THRA: variants seen among roughly 807,000 people sequenced by gnomAD.
THRA encodes the protein EAR-7.
Under a neutral mutation model 45.0 loss-of-function variants are expected in THRA, and 13 were observed. The ratio of observed to expected loss-of-function variants is 0.29; its 90% CI spans 0.19 to 0.46. THRA has a LOEUF of 0.46. Among genes scored for constraint, THRA ranks in the 20% least tolerant of loss-of-function variants. The pLI is 1.00. For missense variants in THRA, 278 were observed against 556.1 expected (o/e 0.50, Z 5.03); for synonymous variants, 195 against 214.0 (o/e 0.91, Z 0.78).
At chr17:40,080,548 T>A (rs1239619106) in intron 4 of THRA, among the ~76,000 whole-genome samples, 1 of 151,874 alleles carries the variant, frequency 6.6e-6, no homozygotes, top group Non-Finnish European at 1.5e-5. Flanking sequence ...CTGGAAGCAA[T>A]ACAAACAGTG....
Position 40,091,015 on chromosome 17 carries a change from G to A in THRA, c.*1559G>A, listed in dbSNP as rs1004157188. On this transcript the variant is annotated 3_prime_UTR_variant, in exon 9 of 9. Coordinates refer to ENST00000450525, the MANE Select transcript of THRA (RefSeq NM_199334.5). ...TCCTCCCATGGGAGCAGGAGGTGGG[G>A]TGGGACAGAGCAGACCAGAGGGTGC... 1 of 152,264 alleles carries A rather than the reference G, an allele frequency of 6.6e-6. No individual in the cohort carries two copies. The highest frequency in any genetic ancestry group is 2.4e-5 in the African/African-American group (1 of 41,328). The allele number at this position is 152,264 out of a possible 1,614,324, so 9.4% of individuals were successfully genotyped here.
At chr17:40,082,191 GTTTTACTTGGATTTCCTTTTTTTT>G (rs1371856095) in intron 4 of THRA, among the ~76,000 whole-genome samples, 268 of 139,620 alleles carry the variant, frequency 1.9e-3, no homozygotes, top group African/African-American at 6.6e-3. Flanking sequence ...GGAAAATGAG[GTTTTACTTGGATTTCCTTTTTTTT>G]TTTTTTTTTT....
At position 40,084,000 on chromosome 17, in the gene THRA, A is replaced by C. The variant is rs780567423; in HGVS notation, c.370+18A>C. On this transcript the variant is annotated intron_variant, in intron 5 of 8. Transcript: ENST00000450525. ...CATGGACTGTAAGGGGCCCAGGTGG[A>C]GGGAATAGAGCCAGGTGGCCTGGGG... 1 of 1,601,908 alleles carries C rather than the reference A, an allele frequency of 6.2e-7. No homozygotes were observed. Among genetic ancestry groups the C allele is most frequent in the Admixed American group, 1.7e-5 (1 of 58,362 alleles).
intron 1 of THRA, among the ~76,000 whole-genome samples, chr17:40,067,626 C>T (rs2145042451): frequency 6.6e-6 from 1 of 152,304 alleles, no homozygotes; most frequent in Non-Finnish European, 1.5e-5. Context: ...CCTCTCCAAA[C>T]CCCTTTTATT....
chr17:40,071,147 C>A (rs545912021), intron 1 of THRA, among the ~76,000 whole-genome samples: 4 of 152,182 alleles, frequency 2.6e-5, no homozygotes, highest in South Asian at 4.1e-4. Context: ...CCCGCATGTA[C>A]GTGTCCCTGT....
chr17:40,070,147 G>C (rs1986723421), intron 1 of THRA, among the ~76,000 whole-genome samples: 1 of 151,942 alleles, frequency 6.6e-6, no homozygotes, highest in African/African-American at 2.4e-5. Flanking sequence ...CTGCCCCCCA[G>C]CTCCAGAACC....
intron 2 of THRA, 114 bp downstream of exon 2, chr17:40,074,655 C>A: frequency 8.8e-7 from 1 of 1,130,566 alleles, no homozygotes; most frequent in Non-Finnish European, 1.3e-6. Context: ...GACGTGAGGC[C>A]AGCAAGCCTT....
chr17:40,086,688 C>G lies in THRA; in HGVS notation c.577-19C>G. On this transcript the variant is annotated intron_variant, in intron 6 of 8. Coordinates refer to ENST00000450525, the MANE Select transcript of THRA (RefSeq NM_199334.5). ...GAAAGGGGTCTGCGGCCCCAGCTGA[C>G]CCCCGTCTTTCTCTCTAGCCCGATG... The G allele has an allele frequency of 6.2e-7, 1 of 1,609,204 alleles. No homozygotes were observed. Among genetic ancestry groups the G allele is most frequent in the Admixed American group, 1.7e-5 (1 of 59,910 alleles).
intron 4 of THRA, 99 bp downstream of exon 4, chr17:40,077,707 TTTTC>T: frequency 1.0e-6 from 1 of 1,001,094 alleles, no homozygotes; most frequent in Non-Finnish European, 1.5e-6. Flanking sequence ...CTTTTTTTTT[TTTTC>T]TTTGAGACGG....
At chr17:40,088,107 G>A (rs1261998430) in intron 7 of THRA, 135 bp from the exon 8 acceptor site, 1 of 1,221,364 alleles carries the variant, frequency 8.2e-7, no homozygotes, top group Non-Finnish European at 1.1e-6. Flanking sequence ...CATGCACATG[G>A]CCCAATACAA....
In THRA at chr17:40,063,071, C is replaced by T. The variant is rs1370407722; in HGVS notation, c.-319C>T. 4 of 152,050 alleles carry T rather than the reference C, an allele frequency of 2.6e-5. No homozygotes were observed. The highest frequency in any genetic ancestry group is 2.6e-4 in the Admixed American group (4 of 15,270). 9.4% of individuals were successfully genotyped at this position (152,050 alleles called of 1,614,324 possible). On this transcript the variant is annotated 5_prime_UTR_variant, in exon 1 of 9. Coordinates refer to ENST00000450525, the MANE Select transcript of THRA (RefSeq NM_199334.5). ...GAGACCCCCGCGTCGCTGCCCAGCC[C>T]GGTCCGGCGCGCCACGCCGAGGTAA...
chr17:40,089,060 CA>C lies in THRA; in HGVS notation c.983-145del, dbSNP rs1987438404. The C allele has an allele frequency of 3.4e-6, 2 of 590,920 alleles. No homozygotes were observed. The highest frequency in any genetic ancestry group is 5.6e-6 in the Non-Finnish European group (2 of 358,266). The allele number at this position is 590,920 out of a possible 1,614,324, so 36.6% of individuals were successfully genotyped here. The stretch of plus-strand genomic sequence containing the variant: ...CTGTGCTTCTCCTGTCCACGTCTCT[CA>C]GGGGGAGCTTCTCCCCTCCCCTCCC... On this transcript the variant is annotated intron_variant, in intron 8 of 8. Transcript: ENST00000450525. The surrounding 1 kb of genome is among the most constrained non-coding windows in gnomAD (Gnocchi z 6.1).
intron 1 of THRA, among the ~76,000 whole-genome samples, chr17:40,068,381 G>A (rs978650351): frequency 5.3e-5 from 8 of 152,250 alleles, no homozygotes; most frequent in African/African-American, 1.9e-4. Context: ...ATGCCAGGGT[G>A]GGGCATACAC....
intron 1 of THRA, among the ~76,000 whole-genome samples, chr17:40,070,386 CA>C (rs1432608334): frequency 6.6e-6 from 1 of 152,174 alleles, no homozygotes; most frequent in Non-Finnish European, 1.5e-5. Flanking sequence ...GAGAATAGAA[CA>C]GGGGGTATGG....
At chr17:40,080,850 G>A (rs1987113508) in intron 4 of THRA, among the ~76,000 whole-genome samples, 1 of 151,494 alleles carries the variant, frequency 6.6e-6, no homozygotes, top group Non-Finnish European at 1.5e-5. Context: ...AGCCTCCTGA[G>A]TAGCTGGGAT....
At chr17:40,070,412 TC>T (rs1986733384) in intron 1 of THRA, among the ~76,000 whole-genome samples, 1 of 151,998 alleles carries the variant, frequency 6.6e-6, no homozygotes, top group East Asian at 1.9e-4. Flanking sequence ...GGACAGGGAG[TC>T]CCGGTCCTAG....
chr17:40,093,071 C>A, downstream of THRA: 1 of 1,614,102 alleles, frequency 6.2e-7, no homozygotes, highest in Non-Finnish European at 8.5e-7. The surrounding 1 kb of genome is among the most constrained non-coding windows in gnomAD (Gnocchi z 5.9). Context: ...GGCAGAAGGC[C>A]GGCCGGGCGG....
intron 1 of THRA, among the ~76,000 whole-genome samples, chr17:40,065,034 CG>C (rs1986503786): frequency 6.8e-6 from 1 of 147,274 alleles, no homozygotes; most frequent in African/African-American, 2.6e-5. Context: ...AGCCACTGTG[CG>C]GGAATGGGCT....
Position 40,089,684 on chromosome 17 carries a change from G to A in THRA, c.*228G>A. 1 of 1,391,454 alleles carries A rather than the reference G, an allele frequency of 7.2e-7. No homozygotes were observed. Among genetic ancestry groups the A allele is most frequent in the Non-Finnish European group, 9.3e-7 (1 of 1,071,682 alleles). The allele number at this position is 1,391,454 out of a possible 1,614,324, so 86.2% of individuals were successfully genotyped here. On this transcript the variant is annotated 3_prime_UTR_variant, in exon 9 of 9. Coordinates refer to ENST00000450525, the MANE Select transcript of THRA (RefSeq NM_199334.5). This position sits in a 1 kb window ranked among gnomAD's most constrained non-coding sequence, Gnocchi z 6.1. ...TTGCTATGGAAAGGACAGTGTGGGA[G>A]GCTGGGGGAGCTGTGTCCTGCAGTT...
Sources: gnomAD v4.1 joint callset for allele counts (sites outside exome capture counted in the v4.1 genomes callset) on GRCh38, gnomAD v4.1.1 for gene constraint, Gnocchi (gnomAD v3.1) non-coding constraint, MANE v1.5 for transcripts, NCBI Gene and HGNC (gene_info 2026-07-23, HGNC 2026-07-21) for gene names.